RASSF7: variants seen among roughly 807,000 people sequenced by gnomAD.
RASSF7 encodes Ras association domain family member 7, also known as ras association domain-containing protein 7.
RASSF7 carries 41 observed loss-of-function variants against 33.8 expected under a neutral mutation model. That is an observed-to-expected ratio of 1.21 (90% CI 0.95 to 1.57). The LOEUF (loss-of-function observed/expected upper bound fraction) is 1.57. Ranked by LOEUF, RASSF7 falls within the 40% of genes most tolerant of loss-of-function variation. RASSF7 has a pLI of 0.00. For synonymous variants in RASSF7, 298 were observed against 212.8 expected, an observed-to-expected ratio of 1.40 and a Z score of -3.48; for missense variants, 622 against 497.0, an observed-to-expected ratio of 1.25 and a Z score of -2.39.
In RASSF7 at chr11:563,287, A is replaced by G; in HGVS notation, c.921A>G (p.Pro307=). The G allele has an allele frequency of 6.2e-7, 1 of 1,610,790 alleles. No homozygotes were observed. The stretch of plus-strand genomic sequence containing the variant: ...CCGGGGCTGCGCTGCCACCGCCCCC[A>G]CGGCCTGACAGGGGCCCTCCTGGCA... ...QQTGAALPPP[P]RPDRGPPGTQ... Residue 307 remains proline, a synonymous_variant, in exon 4 of 6, where the codon CCA becomes CCG. Coordinates refer to ENST00000397583, the MANE Select transcript of RASSF7 (RefSeq NM_003475.4).
Position 561,533 on chromosome 11 carries a change from G to A in RASSF7, c.-8+56G>A. On this transcript the variant is annotated intron_variant, in intron 1 of 5. Coordinates refer to ENST00000397583, the MANE Select transcript of RASSF7 (RefSeq NM_003475.4). ...TAATGATTCGCCTTGTTCCGGGAGT[G>A]CGAGCGTGGCAAGAGGAAGCTGGTG... is the stretch of plus-strand genomic sequence containing the variant. 3.5e-6 allele frequency: 5 copies of A among 1,410,472 alleles called. No individual in the cohort carries two copies. In the East Asian group the frequency reaches 1.3e-4, roughly 36 times the overall value. 87.4% of individuals were successfully genotyped at this position (1,410,472 alleles called of 1,614,324 possible).
chr11:562,787 G>A lies in RASSF7; in HGVS notation c.822+11G>A, dbSNP rs1380967098. On this transcript the variant is annotated intron_variant, in intron 3 of 5. Coordinates refer to ENST00000397583, the MANE Select transcript of RASSF7 (RefSeq NM_003475.4). ...GAGCGAGCCTTGCAGGTGAGCCCGGGGACCTGATCCCCTGTCACTCCCCCA... is the reference window on the plus strand; with the variant it reads ...GAGCGAGCCTTGCAGGTGAGCCCGGAGACCTGATCCCCTGTCACTCCCCCA... 17 of 1,464,804 alleles carry A rather than the reference G, an allele frequency of 1.2e-5. No homozygotes were observed. Among genetic ancestry groups the A allele is most frequent in the Admixed American group, 5.0e-5 (2 of 40,186 alleles). The allele number at this position is 1,464,804 out of a possible 1,614,324, so 90.7% of individuals were successfully genotyped here.
Position 563,200 on chromosome 11 carries a change from G to C in RASSF7, c.834G>C (p.Gln278His), listed in dbSNP as rs1029876691. Reference sequence around the variant, plus strand: ...TCATGTGTCCCCAGGCTCAGGCTCAGGAGCTGGAGGAGCTGAACCGAGAGC... The same window carrying C: ...TCATGTGTCCCCAGGCTCAGGCTCACGAGCTGGAGGAGCTGAACCGAGAGC... ...AAERALQAQA[Q>H]ELEELNRELR... Residue 278 changes from glutamine to histidine, a missense_variant, in exon 4 of 6, where the codon CAG (glutamine) becomes CAC (histidine). Coordinates refer to ENST00000397583, the MANE Select transcript of RASSF7 (RefSeq NM_003475.4). 6.3e-7 allele frequency: 1 copy of C among 1,582,062 alleles called. No homozygotes were observed. The highest frequency in any genetic ancestry group is 2.3e-5 in the East Asian group (1 of 44,410).
Position 561,152 on chromosome 11 carries a change from C to T in RASSF7, c.-333C>T. The T allele has an allele frequency of 1.0e-6, 1 of 984,904 alleles. No homozygotes were observed. The highest frequency in any genetic ancestry group is 1.7e-5 in the African/African-American group (1 of 57,262). The allele number at this position is 984,904 out of a possible 1,614,324, so 61.0% of individuals were successfully genotyped here. On this transcript the variant is annotated 5_prime_UTR_variant, in exon 1 of 6. Coordinates refer to ENST00000397583, the MANE Select transcript of RASSF7 (RefSeq NM_003475.4). ...CCCGGACGGAGAGCGGGGGCGGCGCCGCACCTGCGCCCGCCCTGCGGAACG... is the reference window on the plus strand; with the variant it reads ...CCCGGACGGAGAGCGGGGGCGGCGCTGCACCTGCGCCCGCCCTGCGGAACG...
rs1194302014 is a variant in RASSF7 at position 563,613 on chromosome 11, T to C, written c.1090T>C (p.Cys364Arg). ...EVAAAPAPEWCPLAAQPQAL is the reference protein window; with the variant it reads ...EVAAAPAPEWRPLAAQPQAL ...AGCAGCAGCTCCTGCCCCAGAGTGG[T>C]GTCCTCTGGCAGCCCAGCCCCAGGC... is the stretch of plus-strand genomic sequence containing the variant. The change falls in exon 6 of 6, where the codon TGT becomes CGT. Residue 364 changes from cysteine to arginine, a missense_variant. Transcript: ENST00000397583. 2 of 1,611,506 alleles carry C rather than the reference T, an allele frequency of 1.2e-6. No individual in the cohort carries two copies. The highest frequency in any genetic ancestry group is 1.7e-6 in the Non-Finnish European group (2 of 1,179,844).
rs1468025244 is a variant in RASSF7, at chr11:561,114, G to C, written c.-371G>C. 17 of 985,298 alleles carry C rather than the reference G, an allele frequency of 1.7e-5. No homozygotes were observed. The highest frequency in any genetic ancestry group is 1.9e-5 in the Non-Finnish European group (16 of 830,156). 61.0% of individuals were successfully genotyped at this position (985,298 alleles called of 1,614,324 possible). On this transcript the variant is annotated 5_prime_UTR_variant, in exon 1 of 6. Coordinates refer to ENST00000397583, the MANE Select transcript of RASSF7 (RefSeq NM_003475.4). Reference sequence around the variant, plus strand: ...CGGACGCCGACTCCAACTGGGGAGAGTTTTCCGCGATGCCCGGACGGAGAG... The same window carrying C: ...CGGACGCCGACTCCAACTGGGGAGACTTTTCCGCGATGCCCGGACGGAGAG...
chr11:563,421 A>C lies in RASSF7; in HGVS notation c.977A>C (p.Glu326Ala), dbSNP rs770328360. ...TQGPLPPAREESLLGAPSESH... is the reference protein window; with the variant it reads ...TQGPLPPAREASLLGAPSESH... ...GGCCCTCTGCCTCCAGCCAGAGAGG[A>C]GTCCCTCCTGGGCGCTCCCTCTGAG... is the stretch of plus-strand genomic sequence containing the variant. Residue 326 changes from glutamate to alanine, a missense_variant, in exon 5 of 6, where the codon GAG (glutamate) becomes GCG (alanine). Glu to Ala is a moderately radical substitution (Grantham distance 107). Coordinates refer to ENST00000397583, the MANE Select transcript of RASSF7 (RefSeq NM_003475.4). 2 of 1,611,764 alleles carry C rather than the reference A, an allele frequency of 1.2e-6. No individual in the cohort carries two copies. Among genetic ancestry groups the C allele is most frequent in the Admixed American group, 3.3e-5 (2 of 59,940 alleles).
chr11:562,870 C>T (rs1164968721), intron 3 of RASSF7, 94 bp downstream of exon 3: 11 of 1,088,046 alleles, frequency 1.0e-5, no homozygotes, highest in Admixed American at 5.8e-5. Flanking sequence ...CAGGTGAGCC[C>T]GGGGACCTGA....
Position 563,544 on chromosome 11 carries a change from G to GTGT in RASSF7, c.1035-13_1035-11dup. The GTGT allele has an allele frequency of 1.2e-6, 2 of 1,611,562 alleles. No homozygotes were observed. The highest frequency in any genetic ancestry group is 1.7e-6 in the Non-Finnish European group (2 of 1,179,756). ...CCTGTGGCTGCAGCCACCTCAGCCT[G>GTGT]TGTCCTCCCGCAGTGGCCCCCATGA... On this transcript the variant is annotated splice_polypyrimidine_tract_variant and intron_variant, in intron 5 of 5. Coordinates refer to ENST00000397583, the MANE Select transcript of RASSF7 (RefSeq NM_003475.4).
rs1468403635 is a variant in RASSF7, at chr11:563,844, CAGGCCCCAA to C, written c.*205_*213del. ...GGGGCGTAGCCAGCTCGGAACTTGCCAGGCCCCAAAGGCCACGACTGCCTGTTGGGGACA... is the reference window on the plus strand; with the variant it reads ...GGGGCGTAGCCAGCTCGGAACTTGCCAGGCCACGACTGCCTGTTGGGGACA... On this transcript the variant is annotated 3_prime_UTR_variant, in exon 6 of 6. Transcript: ENST00000397583. 5.0e-6 allele frequency: 3 copies of C among 603,962 alleles called. No individual in the cohort carries two copies. The highest frequency in any genetic ancestry group is 8.7e-6 in the Non-Finnish European group (3 of 343,022). The allele number at this position is 603,962 out of a possible 1,614,324, so 37.4% of individuals were successfully genotyped here. A position where few individuals can be genotyped will look rare whatever the true frequency, so the allele number is the denominator to read the frequency against.
At chr11:561,703 G>C (rs114913728) in intron 1 of RASSF7, 59 bp from the exon 2 acceptor site, 1 of 1,605,162 alleles carries the variant, frequency 6.2e-7, no homozygotes, top group Non-Finnish European at 8.5e-7. Flanking sequence ...GAGGAGAGGA[G>C]GACCAGCCTG....
At position 562,687 on chromosome 11, in the gene RASSF7, C is replaced by T. The variant is rs1007893609; in HGVS notation, c.733C>T (p.Leu245=). The stretch of plus-strand genomic sequence containing the variant: ...TGCCACTGAGCGCCTGCACCAGGAC[C>T]TGGCTGTTCAGGAGCGGCAGAGTGC... The part of the protein sequence containing the change: ...ASATERLHQD[L]AVQERQSAEV... The change falls in exon 3 of 6, where the codon CTG becomes TTG. Residue 245 remains leucine, a synonymous_variant. Coordinates refer to ENST00000397583, the MANE Select transcript of RASSF7 (RefSeq NM_003475.4). 18 of 1,543,784 alleles carry T rather than the reference C, an allele frequency of 1.2e-5. No homozygotes were observed. In the Admixed American group the frequency reaches 2.0e-4, roughly 17 times the overall value.
In RASSF7 at chr11:561,899, C is replaced by A; in HGVS notation, c.124+7C>A. On this transcript the variant is annotated splice_region_variant and intron_variant, in intron 2 of 5. Transcript: ENST00000397583. Reference sequence around the variant, plus strand: ...GCACTAGCCCAAGCAATAGGTGAGTCCTCTCGGGGTCAGGCAGGCCGGGCA... The same window carrying A: ...GCACTAGCCCAAGCAATAGGTGAGTACTCTCGGGGTCAGGCAGGCCGGGCA... 2 of 1,613,228 alleles carry A rather than the reference C, an allele frequency of 1.2e-6. No homozygotes were observed. Among genetic ancestry groups the A allele is most frequent in the Non-Finnish European group, 1.7e-6 (2 of 1,179,848 alleles).
Position 561,133 on chromosome 11 carries a change from C to G in RASSF7, c.-352C>G. On this transcript the variant is annotated 5_prime_UTR_variant, in exon 1 of 6. Transcript: ENST00000397583. ...GGGAGAGTTTTCCGCGATGCCCGGA[C>G]GGAGAGCGGGGGCGGCGCCGCACCT... The G allele has an allele frequency of 1.0e-6, 1 of 984,924 alleles. No homozygotes were observed. The highest frequency in any genetic ancestry group is 1.2e-6 in the Non-Finnish European group (1 of 829,818). The allele number at this position is 984,924 out of a possible 1,614,324, so 61.0% of individuals were successfully genotyped here. A position where few individuals can be genotyped will look rare whatever the true frequency, so the allele number is the denominator to read the frequency against.
chr11:562,134 G>C lies in RASSF7; in HGVS notation c.180G>C (p.Leu60Phe), dbSNP rs1017532612. 2 of 1,543,632 alleles carry C rather than the reference G, an allele frequency of 1.3e-6. No individual in the cohort carries two copies. The highest frequency in any genetic ancestry group is 8.7e-7 in the Non-Finnish European group (1 of 1,145,418). The stretch of plus-strand genomic sequence containing the variant: ...GGCTTCGGGAGAAGGAGCGGCAGTT[G>C]CTGCCACAAGAGTGTCCAGTGGGCG... ...VQRLREKERQLLPQECPVGAQ... is the reference protein window; with the variant it reads ...VQRLREKERQFLPQECPVGAQ... The change falls in exon 3 of 6, where the codon TTG (leucine) becomes TTC (phenylalanine). Residue 60 changes from leucine (L) to phenylalanine (F), a missense_variant. Transcript: ENST00000397583.
Position 563,556 on chromosome 11 carries a change from A to C in RASSF7, c.1035-2A>C. 6.2e-7 allele frequency: 1 copy of C among 1,612,034 alleles called. No individual in the cohort carries two copies. The highest frequency in any genetic ancestry group is 8.5e-7 in the Non-Finnish European group (1 of 1,179,868). On this transcript the variant is annotated splice_acceptor_variant, in intron 5 of 5. Transcript: ENST00000397583. LOFTEE classifies it high-confidence loss of function. ...GCCACCTCAGCCTGTGTCCTCCCGC[A>C]GTGGCCCCCATGACGCAGAACTCCT...
In RASSF7 at chr11:562,673, G is replaced by A. The variant is rs765283418; in HGVS notation, c.719G>A (p.Arg240His). 61 of 1,543,682 alleles carry A rather than the reference G, an allele frequency of 4.0e-5. No individual in the cohort carries two copies. Among genetic ancestry groups the A allele is most frequent in the South Asian group, 6.0e-5 (5 of 83,970 alleles). ...PPSPMASATERLHQDLAVQER... is the reference protein window; with the variant it reads ...PPSPMASATEHLHQDLAVQER... ...TCACCTATGGCATCTGCCACTGAGC[G>A]CCTGCACCAGGACCTGGCTGTTCAG... is the stretch of plus-strand genomic sequence containing the variant. Residue 240 changes from arginine to histidine, a missense_variant, in exon 3 of 6, where the codon CGC becomes CAC. Transcript: ENST00000397583.
chr11:563,426 C>G lies in RASSF7; in HGVS notation c.982C>G (p.Leu328Val), dbSNP rs775980078. 2 of 1,611,978 alleles carry G rather than the reference C, an allele frequency of 1.2e-6. No individual in the cohort carries two copies. Among genetic ancestry groups the G allele is most frequent in the Non-Finnish European group, 1.7e-6 (2 of 1,179,620 alleles). Residue 328 changes from leucine to valine, a missense_variant, in exon 5 of 6, where the codon CTC (leucine) becomes GTC (valine). Transcript: ENST00000397583. ...TCTGCCTCCAGCCAGAGAGGAGTCCCTCCTGGGCGCTCCCTCTGAGTCCCA... is the reference window on the plus strand; with the variant it reads ...TCTGCCTCCAGCCAGAGAGGAGTCCGTCCTGGGCGCTCCCTCTGAGTCCCA... ...GPLPPAREES[L>V]LGAPSESHAG... is the part of the protein sequence containing the mutation.
rs1358980280 is a variant in RASSF7 at position 562,578 on chromosome 11, G to A, written c.624G>A (p.Gln208=). 9.7e-6 allele frequency: 15 copies of A among 1,543,980 alleles called. No individual in the cohort carries two copies. The highest frequency in any genetic ancestry group is 1.3e-5 in the Non-Finnish European group (15 of 1,146,336). Residue 208 remains glutamine (Q), a synonymous_variant, in exon 3 of 6, where the codon CAG becomes CAA. Transcript: ENST00000397583. The part of the protein sequence containing the change: ...AATAEHAARL[Q]ALDAQARALE... ...CTGCTGAGCATGCCGCCCGGCTGCA[G>A]GCCCTGGACGCTCAGGCCCGTGCCC...
Sources: gnomAD v4.1 joint callset for allele counts on GRCh38, gnomAD v4.1.1 for gene constraint, MANE v1.5 for transcripts, NCBI Gene and HGNC (gene_info 2026-07-23, HGNC 2026-07-21) for gene names.